Variants in TAFA2 observed in about 807,000 individuals in gnomAD.
The protein encoded by TAFA2 is chemokine-like protein TAFA-2.
TAFA2 carries 7 observed loss-of-function variants against 18.8 expected under a neutral mutation model. That is an observed-to-expected ratio of 0.37 (90% CI 0.21 to 0.70). The LOEUF (loss-of-function observed/expected upper bound fraction) is 0.70. Ranked by LOEUF, TAFA2 falls within the 30% of genes least tolerant of loss-of-function variation. TAFA2 has a pLI of 0.53. For missense variants in TAFA2, 122 were observed against 158.1 expected (o/e 0.77, Z 1.23); for synonymous variants, 60 against 54.2 (o/e 1.11, Z -0.47).
intron 1 of TAFA2, among the ~76,000 whole-genome samples, chr12:61,928,237 G>A (rs1160302547): frequency 6.6e-6 from 1 of 152,142 alleles, no homozygotes; most frequent in Non-Finnish European, 1.5e-5. Flanking sequence ...TACAGAATGG[G>A]AGAAAATTTT....
chr12:62,195,619 G>T (rs1212889780), upstream of TAFA2, among the ~76,000 whole-genome samples: 2 of 152,190 alleles, frequency 1.3e-5, no homozygotes, highest in African/African-American at 4.8e-5. Context: ...CAAATGTATT[G>T]TCAATAAGCA....
At chr12:62,049,455 A>C (rs778421909) in intron 1 of TAFA2, among the ~76,000 whole-genome samples, 10 of 152,220 alleles carry the variant, frequency 6.6e-5, no homozygotes, top group Non-Finnish European at 1.5e-4. Flanking sequence ...GTTATTGGGA[A>C]CAGGAAGAAA....
rs185702207 is a variant in TAFA2 at position 62,125,559 on chromosome 12, G to A, written c.-2+65700C>T. 5.3e-5 allele frequency among the ~76,000 whole-genome samples: 8 copies of A among 152,234 alleles called. No individual in the cohort carries two copies. In the East Asian group the frequency reaches 1.5e-3, roughly 29 times the overall value. Reference sequence around the variant, plus strand: ...CCCAAATGCTAAACGGTTCAGTTTAGTTTCCCAAATGCTCACTGAACCTGT... The same window carrying A: ...CCCAAATGCTAAACGGTTCAGTTTAATTTCCCAAATGCTCACTGAACCTGT... On this transcript the variant is annotated intron_variant, in intron 1 of 4. Coordinates refer to ENST00000416284, the MANE Select transcript of TAFA2 (RefSeq NM_178539.5).
chr12:61,854,710 T>C (rs143312935), intron 2 of TAFA2, among the ~76,000 whole-genome samples: 98 of 152,254 alleles, frequency 6.4e-4, no homozygotes, highest in African/African-American at 2.3e-3. Context: ...CAGGTAATTA[T>C]TCCCTCCATA....
intron 1 of TAFA2, among the ~76,000 whole-genome samples, chr12:61,956,687 C>T (rs1878708377): frequency 6.7e-6 from 1 of 149,854 alleles, no homozygotes; most frequent in South Asian, 2.1e-4. Context: ...TGTATTAGCA[C>T]ATTTAATTGC....
chr12:61,935,346 G>C (rs1004208826), intron 1 of TAFA2, among the ~76,000 whole-genome samples: 1 of 152,040 alleles, frequency 6.6e-6, no homozygotes, highest in African/African-American at 2.4e-5. Flanking sequence ...TATATCTTTG[G>C]AAAATTTTAC....
intron 1 of TAFA2, among the ~76,000 whole-genome samples, chr12:61,961,544 T>C (rs568326228): frequency 2.6e-5 from 4 of 152,128 alleles, no homozygotes; most frequent in Non-Finnish European, 1.5e-5. Context: ...ATAAATTTAA[T>C]GTCTATAAGG....
intron 1 of TAFA2, among the ~76,000 whole-genome samples, chr12:61,993,231 C>T (rs1349942348): frequency 1.3e-5 from 2 of 152,310 alleles, no homozygotes; most frequent in South Asian, 2.1e-4. Context: ...CAAATCAATG[C>T]TTCTCATTAA....
At chr12:61,889,912 A>G (rs1398397121) in intron 1 of TAFA2, among the ~76,000 whole-genome samples, 2 of 152,162 alleles carry the variant, frequency 1.3e-5, no homozygotes, top group South Asian at 2.1e-4. Context: ...TCTATTACCA[A>G]ATGAGAGGTT....
intron 2 of TAFA2, among the ~76,000 whole-genome samples, chr12:61,855,264 T>C (rs939828159): frequency 1.3e-5 from 2 of 152,198 alleles, no homozygotes; most frequent in African/African-American, 4.8e-5. Flanking sequence ...ATTCACCTAC[T>C]CTTAAGAGCT....
chr12:62,080,534 A>T (rs551024874), intron 1 of TAFA2, among the ~76,000 whole-genome samples: 1 of 151,774 alleles, frequency 6.6e-6, no homozygotes, highest in African/African-American at 2.4e-5. Flanking sequence ...AAAAAAAAGT[A>T]AAAGTGAATC....
intron 4 of TAFA2, among the ~76,000 whole-genome samples, chr12:61,753,096 ATC>A (rs1486782915): frequency 6.6e-6 from 1 of 151,962 alleles, no homozygotes; most frequent in African/African-American, 2.4e-5. Context: ...GATCTTGAGA[ATC>A]TGAAACTCTT....
chr12:61,820,609 C>T (rs1336842326), intron 2 of TAFA2, among the ~76,000 whole-genome samples: 4 of 151,810 alleles, frequency 2.6e-5, no homozygotes, highest in African/African-American at 4.8e-5. Flanking sequence ...AAAGATAATT[C>T]GATCTTAATT....
At chr12:61,914,460 A>T (rs1026955016) in intron 1 of TAFA2, among the ~76,000 whole-genome samples, 4 of 152,202 alleles carry the variant, frequency 2.6e-5, no homozygotes, top group African/African-American at 9.7e-5. Flanking sequence ...TTGGAAATGC[A>T]TTCTGTAGAA....
intron 1 of TAFA2, among the ~76,000 whole-genome samples, chr12:61,932,182 A>G (rs1877583716): frequency 6.6e-6 from 1 of 152,216 alleles, no homozygotes; most frequent in African/African-American, 2.4e-5. Flanking sequence ...AGATTTTCCT[A>G]TTTGAAGAAT....
intron 1 of TAFA2, among the ~76,000 whole-genome samples, chr12:62,198,910 T>C (rs1474922745): frequency 1.3e-5 from 2 of 152,192 alleles, no homozygotes; most frequent in Non-Finnish European, 2.9e-5. Flanking sequence ...AAGAAGACCA[T>C]TTCACAAAGT....
At chr12:62,055,004 GT>G (rs1193353666) in intron 1 of TAFA2, among the ~76,000 whole-genome samples, 12 of 152,176 alleles carry the variant, frequency 7.9e-5, no homozygotes, top group Non-Finnish European at 1.3e-4. Flanking sequence ...AAATTCATGT[GT>G]TAAATTCTAA....
At chr12:62,086,766 C>T (rs1019368109) in intron 1 of TAFA2, among the ~76,000 whole-genome samples, 2 of 151,968 alleles carry the variant, frequency 1.3e-5, no homozygotes, top group Non-Finnish European at 2.9e-5. Context: ...CTATGTGATC[C>T]AGCAATTTCA....
At position 61,878,105 on chromosome 12, in the gene TAFA2, C is replaced by T. The variant is rs546322817; in HGVS notation, c.-1-10679G>A. On this transcript the variant is annotated intron_variant, in intron 1 of 4. Transcript: ENST00000416284. ...GAGAGATACCTAGAATAGTCAAATT[C>T]GTTGAGACAGAAAGTAGAATAGAGA... is the stretch of plus-strand genomic sequence containing the variant. The T allele has an allele frequency of 3.0e-4, 137 of 454,786 alleles. 1 individual carries two copies. The highest frequency in any genetic ancestry group is 2.0e-3 in the South Asian group (132 of 64,428). 28.2% of individuals were successfully genotyped at this position (454,786 alleles called of 1,614,324 possible). A position where few individuals can be genotyped will look rare whatever the true frequency, so the allele number is the denominator to read the frequency against.
Sources: allele counts gnomAD v4.1 joint callset (sites outside exome capture counted in the v4.1 genomes callset), GRCh38; gene constraint gnomAD v4.1.1; transcripts MANE v1.5; gene names NCBI Gene and HGNC (gene_info 2026-07-23, HGNC 2026-07-21).